PDE7B: variants seen among roughly 807,000 people sequenced by gnomAD.
PDE7B encodes the protein phosphodiesterase 7B.
Under a neutral mutation model 56.2 loss-of-function variants are expected in PDE7B, and 29 were observed. The observed-to-expected ratio is 0.52, with a 90% CI of 0.38 to 0.70. The LOEUF is 0.70. PDE7B is among the 30% of genes least tolerant of loss of function. The pLI, the probability that PDE7B is intolerant of heterozygous loss-of-function variation, is 0.00. For synonymous variants in PDE7B, 197 were observed against 196.9 expected (o/e 1.00, Z 0.00); for missense variants, 490 against 565.0 (o/e 0.87, Z 1.35).
intron 2 of PDE7B, among the ~76,000 whole-genome samples, chr6:135,995,375 T>TA (rs1351583768): frequency 6.6e-6 from 1 of 152,236 alleles, no homozygotes; most frequent in Non-Finnish European, 1.5e-5. Flanking sequence ...TTAAAGATTC[T>TA]AAAAAATATA....
chr6:136,153,198 G>T (rs1304896680), intron 6 of PDE7B, among the ~76,000 whole-genome samples: 6 of 152,150 alleles, frequency 3.9e-5, no homozygotes, highest in Admixed American at 3.9e-4. Flanking sequence ...GGGAGATACA[G>T]ATATAGATAC....
At chr6:136,147,645 T>C (rs1177255683) in intron 4 of PDE7B, 143 bp downstream of exon 4, 6 of 596,446 alleles carry the variant, frequency 1.0e-5, no homozygotes, top group Non-Finnish European at 1.5e-5. Context: ...CTGGACTTGT[T>C]CCTCTAATAG....
chr6:135,893,161 G>A (rs553131843), intron 1 of PDE7B, among the ~76,000 whole-genome samples: 13 of 151,762 alleles, frequency 8.6e-5, no homozygotes, highest in African/African-American at 2.9e-4. Flanking sequence ...TTGGTGTGCT[G>A]CACCCATTAA....
intron 2 of PDE7B, among the ~76,000 whole-genome samples, chr6:136,075,350 A>C (rs929209963): frequency 6.6e-6 from 1 of 152,224 alleles, no homozygotes; most frequent in African/African-American, 2.4e-5. Context: ...CCCACTGCAG[A>C]TTCTCACAAA....
At chr6:136,106,746 G>T (rs2128217767) in intron 2 of PDE7B, among the ~76,000 whole-genome samples, 1 of 152,304 alleles carries the variant, frequency 6.6e-6, no homozygotes, top group East Asian at 1.9e-4. Context: ...TTGTGAAAGT[G>T]CTTTGTAAAC....
intron 2 of PDE7B, among the ~76,000 whole-genome samples, chr6:136,087,741 T>C (rs1006972744): frequency 4.5e-4 from 68 of 152,306 alleles, no homozygotes; most frequent in Non-Finnish European, 7.4e-4. Flanking sequence ...ATCTACATAT[T>C]CCTAGTTTGA....
intron 1 of PDE7B, among the ~76,000 whole-genome samples, chr6:135,885,077 C>T (rs1348446533): frequency 6.6e-6 from 1 of 152,078 alleles, no homozygotes; most frequent in African/African-American, 2.4e-5. Flanking sequence ...AGCCCTGATC[C>T]AACCCTCCAC....
intron 3 of PDE7B, among the ~76,000 whole-genome samples, chr6:136,126,771 G>T (rs1272001662): frequency 6.6e-6 from 1 of 152,188 alleles, no homozygotes; most frequent in Admixed American, 6.5e-5. Context: ...AAAGGCGTAA[G>T]AATGCCACAG....
intron 2 of PDE7B, among the ~76,000 whole-genome samples, chr6:136,087,802 A>C (rs1777318020): frequency 6.6e-6 from 1 of 152,226 alleles, no homozygotes. Context: ...TTGTTCTCGC[A>C]TTCTGGTTTA....
At chr6:136,000,950 C>A (rs985436714) in intron 2 of PDE7B, among the ~76,000 whole-genome samples, 2 of 152,206 alleles carry the variant, frequency 1.3e-5, no homozygotes, top group African/African-American at 4.8e-5. Context: ...AGGCACCCCC[C>A]AGTAGGGGCA....
At chr6:136,144,214 T>C (rs1004826123) in intron 3 of PDE7B, among the ~76,000 whole-genome samples, 8 of 152,076 alleles carry the variant, frequency 5.3e-5, no homozygotes, top group Non-Finnish European at 1.0e-4. Flanking sequence ...CTTCTTCACA[T>C]TTTTTCTCTT....
chr6:136,098,914 A>G (rs952366302), intron 2 of PDE7B, among the ~76,000 whole-genome samples: 1 of 151,482 alleles, frequency 6.6e-6, no homozygotes, highest in African/African-American at 2.4e-5. Context: ...TCCTAACACT[A>G]TCCCTTCCCC....
At chr6:135,881,062 C>T (rs1025139901) in intron 1 of PDE7B, among the ~76,000 whole-genome samples, 3 of 152,080 alleles carry the variant, frequency 2.0e-5, no homozygotes, top group African/African-American at 7.2e-5. Context: ...AATACAGAGA[C>T]CCCATGGGGA....
At chr6:135,948,856 TAG>T (rs2128199679) in intron 2 of PDE7B, among the ~76,000 whole-genome samples, 1 of 75,476 alleles carries the variant, frequency 1.3e-5, no homozygotes, top group Non-Finnish European at 2.8e-5. Flanking sequence ...GATAGATAGA[TAG>T]ATAGATAGAT....
chr6:136,064,774 C>G (rs982593227), intron 2 of PDE7B: 6 of 152,154 alleles, frequency 3.9e-5, no homozygotes, highest in Admixed American at 2.0e-4. Flanking sequence ...TTCCTGATGT[C>G]CCGATTAGGA....
At chr6:135,906,365 T>G (rs2128192825) in intron 1 of PDE7B, among the ~76,000 whole-genome samples, 1 of 152,338 alleles carries the variant, frequency 6.6e-6, no homozygotes, top group South Asian at 2.1e-4. Context: ...CTACTGGCTA[T>G]GATTTTACAA....
intron 3 of PDE7B, among the ~76,000 whole-genome samples, chr6:136,127,317 G>A (rs1171651858): frequency 6.6e-6 from 1 of 152,046 alleles, no homozygotes; most frequent in African/African-American, 2.4e-5. Context: ...CCTCCTAGGA[G>A]GTAATGCCTC....
chr6:135,972,284 G>A (rs940355434), intron 2 of PDE7B, among the ~76,000 whole-genome samples: 1 of 147,684 alleles, frequency 6.8e-6, no homozygotes, highest in Non-Finnish European at 1.5e-5. Context: ...GGATGTGTCT[G>A]CTCCAGACAT....
intron 2 of PDE7B, among the ~76,000 whole-genome samples, chr6:136,031,521 C>T (rs1776245598): frequency 6.6e-6 from 1 of 151,950 alleles, no homozygotes; most frequent in African/African-American, 2.4e-5. Flanking sequence ...GGGCGGATCA[C>T]GAGGTCAGGA....
Sources: allele counts gnomAD v4.1 joint callset (sites outside exome capture counted in the v4.1 genomes callset), GRCh38; gene constraint gnomAD v4.1.1; transcripts MANE v1.5; gene names NCBI Gene and HGNC (gene_info 2026-07-23, HGNC 2026-07-21).